Variants in LRP1B observed in about 807,000 individuals in gnomAD.
The protein encoded by LRP1B is low-density lipoprotein receptor-related protein 1B.
In LRP1B, 217 loss-of-function variants were observed where a neutral mutation model predicts 556.6. The observed-to-expected ratio is 0.39, with a 90% CI of 0.35 to 0.44. The LOEUF is 0.44. LRP1B is among the 20% of genes least tolerant of loss of function. The pLI is 1.00. For missense variants in LRP1B, 5,053 were observed against 5,620.8 expected (o/e 0.90, Z 3.23); for synonymous variants, 2,047 against 1,865.8 (o/e 1.10, Z -2.50).
chr2:141,175,591 T>A (rs1201176673), intron 7 of LRP1B, among the ~76,000 whole-genome samples: 1 of 152,064 alleles, frequency 6.6e-6, no homozygotes, highest in Non-Finnish European at 1.5e-5. Flanking sequence ...TATGAAAACG[T>A]TTGGATGTCC....
At chr2:140,779,753 A>AGTGTGTGT (rs373081625) in intron 32 of LRP1B, among the ~76,000 whole-genome samples, 9,924 of 133,878 alleles carry the variant, frequency 0.074, 648 homozygotes, top group African/African-American at 0.17. Flanking sequence ...TCTCTGTGAG[A>AGTGTGTGT]GAGTGTGTGT....
At chr2:141,712,905 C>G (rs62166558) in intron 2 of LRP1B, among the ~76,000 whole-genome samples, 27,946 of 143,696 alleles carry the variant, frequency 0.19, 2,880 homozygotes, top group South Asian at 0.27. Flanking sequence ...GTCTCTAACT[C>G]CTGACCTCAT....
chr2:140,477,630 A>G (rs1011994619), intron 59 of LRP1B, among the ~76,000 whole-genome samples: 2 of 152,202 alleles, frequency 1.3e-5, no homozygotes, highest in African/African-American at 2.4e-5. Flanking sequence ...TACAAATTTC[A>G]AGTGGTCTAA....
At chr2:140,748,795 T>C (rs1431013964) in intron 35 of LRP1B, among the ~76,000 whole-genome samples, 2 of 32,754 alleles carry the variant, frequency 6.1e-5, no homozygotes, top group African/African-American at 8.3e-5. Context: ...ATATATATTA[T>C]ATACATATTA....
chr2:140,466,861 C>T (rs1357139468), intron 60 of LRP1B, among the ~76,000 whole-genome samples: 2 of 152,076 alleles, frequency 1.3e-5, no homozygotes, highest in Admixed American at 1.3e-4. Flanking sequence ...TTTTCTTTTC[C>T]AAAATACTAC....
intron 2 of LRP1B, among the ~76,000 whole-genome samples, chr2:141,795,404 G>A (rs1418997787): frequency 6.6e-6 from 1 of 152,066 alleles, no homozygotes; most frequent in Non-Finnish European, 1.5e-5. Context: ...ACATGCGTGA[G>A]TGTGCACAGC....
At chr2:141,826,521 G>A (rs567309709) in intron 1 of LRP1B, among the ~76,000 whole-genome samples, 1 of 151,828 alleles carries the variant, frequency 6.6e-6, no homozygotes, top group African/African-American at 2.4e-5. Context: ...CACCATGCCC[G>A]GCTAACTTTT....
rs2105359250 is a variant in LRP1B at position 140,994,129 on chromosome 2, G to A, written c.2510C>T (p.Pro837Leu). The change falls in exon 16 of 91, where the codon CCT (proline) becomes CTT (leucine). Residue 837 changes from proline (P) to leucine (L), a missense_variant. Physicochemically the swap from Pro to Leu is moderately conservative, Grantham distance 98. Around this residue, in one of 5 missense-constraint regions of LRP1B, gnomAD observed 3,619 missense variants for 3,931.9 expected, o/e 0.92. Transcript: ENST00000389484. The part of the protein sequence containing the change: ...DENGTTCTFN[P>L]GEALPHICKA... ...ACATATGTGAGGTAGTGCTTCTCCA[G>A]GATTAACTAGAGTTAAAAAAACCCA... 6.2e-7 allele frequency: 1 copy of A among 1,611,934 alleles called. No homozygotes were observed. Among genetic ancestry groups the A allele is most frequent in the Non-Finnish European group, 8.5e-7 (1 of 1,178,716 alleles).
At chr2:141,115,057 G>T (rs1389647887) in intron 7 of LRP1B, among the ~76,000 whole-genome samples, 2 of 151,928 alleles carry the variant, frequency 1.3e-5, no homozygotes, top group Admixed American at 1.3e-4. Flanking sequence ...ATACAATGTA[G>T]GAGTGTCCAT....
chr2:142,019,425 C>A (rs1703258440), intron 1 of LRP1B, among the ~76,000 whole-genome samples: 1 of 152,078 alleles, frequency 6.6e-6, no homozygotes, highest in Non-Finnish European at 1.5e-5. Context: ...TTGTGTGGGC[C>A]TTATCTGCCG....
chr2:141,579,120 C>T (rs2105276279), intron 2 of LRP1B, among the ~76,000 whole-genome samples: 1 of 152,234 alleles, frequency 6.6e-6, no homozygotes, highest in East Asian at 1.9e-4. Context: ...TTTTTCTTTT[C>T]CATGGATGCC....
intron 3 of LRP1B, among the ~76,000 whole-genome samples, chr2:141,434,634 T>A (rs557515644): frequency 6.6e-6 from 1 of 152,310 alleles, no homozygotes; most frequent in East Asian, 1.9e-4. Flanking sequence ...TCCTTGTATT[T>A]GTGTCACACA....
rs1399121740 is a variant in LRP1B at position 140,813,764 on chromosome 2, C to A, written c.5252G>T (p.Ser1751Ile). ...TCTATTTATGGTTCCATTCCCTGAA[C>A]TGATCCAATAAAGCTTGTTTTCCAC... ...DYVENKLYWI[S>I]SGNGTINRCN... The change falls in exon 32 of 91, where the codon AGT (serine) becomes ATT (isoleucine). Residue 1751 changes from serine to isoleucine, a missense_variant. Ser to Ile is a moderately radical substitution (Grantham distance 142). Transcript: ENST00000389484. 2 of 1,608,502 alleles carry A rather than the reference C, an allele frequency of 1.2e-6. No individual in the cohort carries two copies. Among genetic ancestry groups the A allele is most frequent in the Admixed American group, 1.7e-5 (1 of 59,924 alleles).
chr2:141,015,533 C>A (rs558569263), intron 13 of LRP1B, among the ~76,000 whole-genome samples, 163 bp downstream of exon 13: 2 of 152,158 alleles, frequency 1.3e-5, no homozygotes, highest in African/African-American at 4.8e-5. Context: ...CAAGTGCCAG[C>A]TGCACTACTT....
chr2:141,515,709 T>C (rs1298485992), intron 2 of LRP1B, among the ~76,000 whole-genome samples: 1 of 152,178 alleles, frequency 6.6e-6, no homozygotes, highest in Non-Finnish European at 1.5e-5. Context: ...CTTAAGCTTC[T>C]GAAGGCTAGT....
intron 7 of LRP1B, among the ~76,000 whole-genome samples, chr2:141,076,633 A>C (rs1158916435): frequency 6.6e-6 from 1 of 152,194 alleles, no homozygotes; most frequent in Admixed American, 6.5e-5. Context: ...ACATACACTA[A>C]GTTATTTACT....
chr2:141,062,679 T>C (rs1412902318), intron 7 of LRP1B, among the ~76,000 whole-genome samples: 2 of 151,822 alleles, frequency 1.3e-5, no homozygotes, highest in Non-Finnish European at 1.5e-5. Flanking sequence ...TGCCTGGTAA[T>C]GTTTGTGTCT....
At chr2:140,541,508 A>T (rs1312585548) in intron 44 of LRP1B, among the ~76,000 whole-genome samples, 1 of 152,116 alleles carries the variant, frequency 6.6e-6, no homozygotes, top group Admixed American at 6.6e-5. Context: ...TTTTAGAAGA[A>T]ATAATTAAAA....
intron 6 of LRP1B, among the ~76,000 whole-genome samples, chr2:141,219,015 G>C (rs1041781297): frequency 8.5e-5 from 13 of 152,218 alleles, no homozygotes; most frequent in Non-Finnish European, 7.3e-5. Flanking sequence ...AGACAAGGGA[G>C]GCAGTGAGTA....
Sources: gnomAD v4.1 joint callset for allele counts (sites outside exome capture counted in the v4.1 genomes callset) on GRCh38, gnomAD v4.1.1 for gene constraint, gnomAD v4.1.1 regional missense constraint, MANE v1.5 for transcripts, NCBI Gene and HGNC (gene_info 2026-07-23, HGNC 2026-07-21) for gene names.